The following ARHGAP29 variants were observed in gnomAD, a reference collection of about 807,000 sequenced individuals.
ARHGAP29 encodes rho GTPase-activating protein 29.
Under a neutral mutation model 122.6 loss-of-function variants are expected in ARHGAP29, and 43 were observed. The ratio of observed to expected loss-of-function variants is 0.35; its 90% CI spans 0.27 to 0.45. The LOEUF (loss-of-function observed/expected upper bound fraction) is 0.45. Ranked by LOEUF, ARHGAP29 falls within the 20% of genes least tolerant of loss-of-function variation. The pLI is 1.00. For missense variants in ARHGAP29, 1,303 were observed against 1,477.2 expected, an observed-to-expected ratio of 0.88 and a Z score of 1.93; for synonymous variants, 506 against 497.1, an observed-to-expected ratio of 1.02 and a Z score of -0.24.
chr1:94,182,455 G>A (rs1649535936), intron 19 of ARHGAP29, among the ~76,000 whole-genome samples: 1 of 152,032 alleles, frequency 6.6e-6, no homozygotes. Context: ...CAGCGCTTAT[G>A]GAGTGCCCTG....
At chr1:94,291,565 G>T in the ARHGAP29 span, among the ~76,000 whole-genome samples, 1 of 152,106 alleles carries the variant, frequency 6.6e-6, no homozygotes, top group South Asian at 2.1e-4. Flanking sequence ...TTTACAATTT[G>T]GCATGTTTTT....
At chr1:94,214,961 G>T (rs1380240882) in intron 3 of ARHGAP29, among the ~76,000 whole-genome samples, 1 of 152,036 alleles carries the variant, frequency 6.6e-6, no homozygotes, top group Admixed American at 6.6e-5. Context: ...TATGTAATGA[G>T]TGTTGCTTCT....
intron 1 of ARHGAP29, among the ~76,000 whole-genome samples, chr1:94,251,330 C>T (rs975242938): frequency 2.0e-5 from 3 of 152,042 alleles, no homozygotes; most frequent in East Asian, 1.9e-4. Flanking sequence ...CCACCACGCC[C>T]GGCTAATTTA....
chr1:94,268,268 T>C (rs1212607402), intron 1 of ARHGAP29, among the ~76,000 whole-genome samples: 2 of 152,170 alleles, frequency 1.3e-5, no homozygotes, highest in African/African-American at 4.8e-5. Context: ...CCTTCTCTTC[T>C]TTAAGTTTTT....
chr1:94,312,818 A>G, the ARHGAP29 span, among the ~76,000 whole-genome samples: 1 of 151,244 alleles, frequency 6.6e-6, no homozygotes, highest in African/African-American at 2.5e-5. Context: ...CTCAGTGACT[A>G]CCCCTTCTCA....
chr1:94,245,339 C>T (rs529174016), intron 1 of ARHGAP29, among the ~76,000 whole-genome samples: 2 of 152,226 alleles, frequency 1.3e-5, no homozygotes, highest in South Asian at 4.1e-4. Flanking sequence ...ACCCAAACTC[C>T]ATCAACAGAT....
At chr1:94,231,313 C>T (rs918949818) in intron 2 of ARHGAP29, 94 bp downstream of exon 2, 3 of 996,126 alleles carry the variant, frequency 3.0e-6, no homozygotes, top group Non-Finnish European at 4.6e-6. Flanking sequence ...GCAGAATACC[C>T]TGTTCCTACC....
intron 1 of ARHGAP29, among the ~76,000 whole-genome samples, chr1:94,232,856 G>C (rs1217554755): frequency 6.6e-6 from 1 of 150,524 alleles, no homozygotes; most frequent in Non-Finnish European, 1.5e-5. Flanking sequence ...CAAGTATTTT[G>C]TCTTGAATAT....
At chr1:94,253,040 G>A (rs1007086994) in intron 1 of ARHGAP29, among the ~76,000 whole-genome samples, 15 of 151,584 alleles carry the variant, frequency 9.9e-5, no homozygotes, top group African/African-American at 3.2e-4. Context: ...GCGTGATCTC[G>A]GCTCACTGCA....
chr1:94,236,722 G>A (rs551683259), intron 1 of ARHGAP29, among the ~76,000 whole-genome samples: 1 of 151,638 alleles, frequency 6.6e-6, no homozygotes, highest in African/African-American at 2.4e-5. Context: ...CCCAAAACAC[G>A]TCCACAATTG....
intron 18 of ARHGAP29, 40 bp from the exon 19 acceptor site, chr1:94,184,328 T>C (rs774175173): frequency 2.6e-5 from 38 of 1,487,092 alleles, no homozygotes; most frequent in Non-Finnish European, 3.4e-5. Flanking sequence ...AATTCTTCTT[T>C]AGTACAAATG....
At chr1:94,257,228 C>T (rs1052531043) in intron 1 of ARHGAP29, among the ~76,000 whole-genome samples, 8 of 151,608 alleles carry the variant, frequency 5.3e-5, no homozygotes, top group African/African-American at 1.9e-4. Flanking sequence ...ATTGTGAAAC[C>T]CCGTCTCTAC....
chr1:94,220,153 C>A, intron 3 of ARHGAP29, 105 bp downstream of exon 3: 2 of 1,273,560 alleles, frequency 1.6e-6, no homozygotes, highest in Admixed American at 4.1e-5. Context: ...ACATACATCA[C>A]ACAAATGCAA....
chr1:94,209,368 T>C lies in ARHGAP29; in HGVS notation c.341-18A>G. ...GTTCACAGCTGTAAGGAAAAGTTGG[T>C]TACAATAAGGAAAAACATACTTTAA... is the stretch of plus-strand genomic sequence containing the variant. On this transcript the variant is annotated intron_variant, in intron 3 of 22. Transcript: ENST00000260526. 6.5e-7 allele frequency: 1 copy of C among 1,536,322 alleles called. No homozygotes were observed. Among genetic ancestry groups the C allele is most frequent in the South Asian group, 1.2e-5 (1 of 85,486 alleles).
chr1:94,291,278 T>C, the ARHGAP29 span, among the ~76,000 whole-genome samples: 2 of 152,044 alleles, frequency 1.3e-5, no homozygotes, highest in Admixed American at 1.3e-4. Flanking sequence ...TGTTTGTTTG[T>C]TTGTTTTTTG....
chr1:94,188,954 G>C lies in ARHGAP29; in HGVS notation c.1577-13C>G. ...ATAAAGGAAGGACCTTTAATAAAAA[G>C]AATAAAGTCAAAACTTGGCTACAGG... On this transcript the variant is annotated splice_polypyrimidine_tract_variant and intron_variant, in intron 14 of 22. Coordinates refer to ENST00000260526, the MANE Select transcript of ARHGAP29 (RefSeq NM_004815.4). 6.2e-7 allele frequency: 1 copy of C among 1,607,900 alleles called. No homozygotes were observed. The highest frequency in any genetic ancestry group is 1.1e-5 in the South Asian group (1 of 90,418).
intron 2 of ARHGAP29, among the ~76,000 whole-genome samples, chr1:94,225,208 G>A (rs1471430455): frequency 1.3e-5 from 2 of 152,126 alleles, no homozygotes; most frequent in East Asian, 3.8e-4. Context: ...TTAAGTGGCT[G>A]CTTGATGCAG....
At chr1:94,230,062 A>C (rs1222935759) in intron 2 of ARHGAP29, among the ~76,000 whole-genome samples, 1 of 151,742 alleles carries the variant, frequency 6.6e-6, no homozygotes, top group African/African-American at 2.4e-5. Flanking sequence ...CTTGTCAACT[A>C]ATACATCACT....
chr1:94,303,577 G>A, the ARHGAP29 span, among the ~76,000 whole-genome samples: 4 of 152,140 alleles, frequency 2.6e-5, no homozygotes, highest in South Asian at 2.1e-4. Context: ...TTTATGTTAT[G>A]TATATTTTAC....
Sources: allele counts gnomAD v4.1 joint callset (sites outside exome capture counted in the v4.1 genomes callset), GRCh38; gene constraint gnomAD v4.1.1; transcripts MANE v1.5; gene names NCBI Gene and HGNC (gene_info 2026-07-23, HGNC 2026-07-21).